ATG14: variants seen among roughly 807,000 people sequenced by gnomAD.
ATG14 encodes the protein autophagy related 14.
A neutral mutation model predicts 60.4 loss-of-function variants in ATG14; 35 were observed. The observed-to-expected ratio is 0.58, with a 90% CI of 0.44 to 0.77. The LOEUF is 0.77. ATG14 is among the 30% of genes least tolerant of loss of function. The probability of loss-of-function intolerance (pLI) is 0.00; values close to 1 mark genes in which losing one functional copy is unlikely to be tolerated. For synonymous variants in ATG14, 234 were observed against 228.8 expected, an observed-to-expected ratio of 1.02 and a Z score of -0.21; for missense variants, 647 against 626.3, an observed-to-expected ratio of 1.03 and a Z score of -0.35.
In ATG14 at chr14:55,390,943, GTTTGT is replaced by G. The variant is rs1435783501; in HGVS notation, c.372_376del (p.Lys124AsnfsTer4). The G allele has an allele frequency of 4.4e-6, 7 of 1,604,412 alleles. No individual in the cohort carries two copies. Among genetic ancestry groups the G allele is most frequent in the Non-Finnish European group, 6.0e-6 (7 of 1,174,520 alleles). The stretch of plus-strand genomic sequence containing the variant: ...CATTTCTTCATTTCCTTTACATATT[GTTTGT>G]TTTAACTGTTCAATCCTCATCTTGC... On this transcript the variant is annotated frameshift_variant, in exon 4 of 10. Coordinates refer to ENST00000247178, the MANE Select transcript of ATG14 (RefSeq NM_014924.5). LOFTEE classifies it high-confidence loss of function.
intron 1 of ATG14, among the ~76,000 whole-genome samples, chr14:55,402,237 G>A (rs372841241): frequency 2.0e-5 from 3 of 152,068 alleles, no homozygotes; most frequent in African/African-American, 7.2e-5. Flanking sequence ...CCCTCCACCT[G>A]CCTGTCTAGT....
intron 9 of ATG14, among the ~76,000 whole-genome samples, chr14:55,372,802 G>A (rs927619884): frequency 5.9e-5 from 9 of 152,010 alleles, no homozygotes; most frequent in Non-Finnish European, 7.4e-5. Context: ...GTTTTCCCAG[G>A]AGACAGGCAG....
intron 1 of ATG14, among the ~76,000 whole-genome samples, chr14:55,402,946 T>A (rs374304857): frequency 2.3e-4 from 13 of 56,664 alleles, no homozygotes; most frequent in South Asian, 7.8e-4. Flanking sequence ...TATATATATA[T>A]ATATATATAT....
chr14:55,406,360 G>A (rs1328345410), intron 1 of ATG14, among the ~76,000 whole-genome samples: 1 of 152,180 alleles, frequency 6.6e-6, no homozygotes, highest in East Asian at 1.9e-4. Context: ...TGTGCTGTAA[G>A]GTTCCAGATT....
At chr14:55,386,759 T>C (rs944543199) in intron 4 of ATG14, among the ~76,000 whole-genome samples, 1 of 152,224 alleles carries the variant, frequency 6.6e-6, no homozygotes, top group Non-Finnish European at 1.5e-5. Flanking sequence ...AGGTCCTTTT[T>C]GTGGAGTCCT....
At chr14:55,410,252 C>G (rs1450328133) in intron 1 of ATG14, among the ~76,000 whole-genome samples, 1 of 152,142 alleles carries the variant, frequency 6.6e-6, no homozygotes, top group Non-Finnish European at 1.5e-5. Flanking sequence ...GTTTTCTGGA[C>G]TTTAGAGAAG....
At position 55,386,080 on chromosome 14, in the gene ATG14, G is replaced by C. The variant is rs1286899770; in HGVS notation, c.426C>G (p.Leu142=). 5 of 1,610,186 alleles carry C rather than the reference G, an allele frequency of 3.1e-6. No homozygotes were observed. The highest frequency in any genetic ancestry group is 2.2e-5 in the East Asian group (1 of 44,846). Reference sequence around the variant, plus strand: ...GCTTCTGATTCTTTTCCTTGGTTTTGAGAAGGCCTTCAGAATCTAAAATAA... The same window carrying C: ...GCTTCTGATTCTTTTCCTTGGTTTTCAGAAGGCCTTCAGAATCTAAAATAA... ...EEMEKNSEGL[L]KTKEKNQKLY... is the part of the protein sequence containing the mutation. The change falls in exon 5 of 10, where the codon CTC becomes CTG. Residue 142 remains leucine (L), a synonymous_variant. Transcript: ENST00000247178.
intron 5 of ATG14, among the ~76,000 whole-genome samples, chr14:55,382,999 A>T (rs1222442451): frequency 6.6e-6 from 1 of 152,240 alleles, no homozygotes; most frequent in East Asian, 1.9e-4. Context: ...TACATTTTTT[A>T]AACTCTCTTT....
rs1300487944 is a variant in ATG14 at position 55,369,885 on chromosome 14, T to C, written c.1213A>G (p.Met405Val). ...FEVRADLEES[M>V]EFVDPGVAGE... is the part of the protein sequence containing the mutation. Reference sequence around the variant, plus strand: ...GCAACTCCGGGATCCACAAATTCCATGGACTCCTCAAGGTCTGCTCGTACT... The same window carrying C: ...GCAACTCCGGGATCCACAAATTCCACGGACTCCTCAAGGTCTGCTCGTACT... Residue 405 changes from methionine to valine, a missense_variant, in exon 10 of 10, where the codon ATG becomes GTG. Transcript: ENST00000247178. 1.9e-6 allele frequency: 3 copies of C among 1,613,964 alleles called. No individual in the cohort carries two copies. Among genetic ancestry groups the C allele is most frequent in the Admixed American group, 1.7e-5 (1 of 59,994 alleles).
At chr14:55,393,967 A>G (rs965629767) in intron 3 of ATG14, among the ~76,000 whole-genome samples, 3 of 151,788 alleles carry the variant, frequency 2.0e-5, no homozygotes, top group African/African-American at 7.3e-5. Flanking sequence ...CAGCACGTAG[A>G]CTGACCACAT....
chr14:55,380,234 C>T (rs965089069), intron 7 of ATG14, among the ~76,000 whole-genome samples: 23 of 150,604 alleles, frequency 1.5e-4, no homozygotes, highest in Non-Finnish European at 2.8e-4. Context: ...GGCGACAGAG[C>T]GAGACTCTGT....
intron 1 of ATG14, among the ~76,000 whole-genome samples, chr14:55,400,909 T>TAAATAAAATAAAATAAAATA (rs201067140): frequency 1.4e-5 from 2 of 143,262 alleles, no homozygotes; most frequent in African/African-American, 5.3e-5. Flanking sequence ...CTCAAATAAA[T>TAAATAAAATAAAATAAAATA]AAATAAAATA....
chr14:55,390,873 A>T, intron 4 of ATG14, 38 bp downstream of exon 4: 1 of 1,412,508 alleles, frequency 7.1e-7, no homozygotes, highest in Non-Finnish European at 9.8e-7. Context: ...CCACATAGGC[A>T]CTTTCTAGGG....
intron 4 of ATG14, among the ~76,000 whole-genome samples, chr14:55,388,128 C>T (rs1314268894): frequency 1.3e-5 from 2 of 152,132 alleles, no homozygotes; most frequent in Non-Finnish European, 2.9e-5. Flanking sequence ...AAGAGCGAGA[C>T]TCCATCTCAA....
At chr14:55,396,256 A>G (rs1190320138) in intron 2 of ATG14, among the ~76,000 whole-genome samples, 1 of 152,248 alleles carries the variant, frequency 6.6e-6, no homozygotes, top group Admixed American at 6.5e-5. Context: ...AGTCATCATC[A>G]GTAACTGCCA....
intron 4 of ATG14, among the ~76,000 whole-genome samples, chr14:55,389,688 G>C (rs1032763297): frequency 6.6e-6 from 1 of 152,212 alleles, no homozygotes; most frequent in African/African-American, 2.4e-5. Context: ...CTTTGAGTCT[G>C]AAGTAAATCT....
rs754571057 is a variant in ATG14, at chr14:55,367,318, G to T, written c.*2301C>A. The stretch of plus-strand genomic sequence containing the variant: ...GTAGCTAGACAACTCTTACAAGATC[G>T]TTAAGTTTATTTATCTGTTCAAGTC... On this transcript the variant is annotated 3_prime_UTR_variant, in exon 10 of 10. Coordinates refer to ENST00000247178, the MANE Select transcript of ATG14 (RefSeq NM_014924.5). 1 of 152,156 alleles carries T rather than the reference G, an allele frequency of 6.6e-6. No individual in the cohort carries two copies. Among genetic ancestry groups the T allele is most frequent in the Non-Finnish European group, 1.5e-5 (1 of 68,038 alleles). 9.4% of individuals were successfully genotyped at this position (152,156 alleles called of 1,614,324 possible).
chr14:55,369,362 C>A lies in ATG14; in HGVS notation c.*257G>T, dbSNP rs1883300750. 2 of 302,582 alleles carry A rather than the reference C, an allele frequency of 6.6e-6. No homozygotes were observed. Among genetic ancestry groups the A allele is most frequent in the African/African-American group, 4.3e-5 (2 of 46,588 alleles). 18.7% of individuals were successfully genotyped at this position (302,582 alleles called of 1,614,324 possible). On this transcript the variant is annotated 3_prime_UTR_variant, in exon 10 of 10. Transcript: ENST00000247178. ...GGCAGAACTGGCCACACGCACAGGT[C>A]CTCCTTCCACCAGCACTGGTCTGGG...
At chr14:55,399,219 A>G (rs1018855505) in intron 1 of ATG14, among the ~76,000 whole-genome samples, 2 of 152,254 alleles carry the variant, frequency 1.3e-5, no homozygotes, top group African/African-American at 4.8e-5. Context: ...CAAATAGGCA[A>G]TATTATATGT....
Sources: gnomAD v4.1 joint callset for allele counts (sites outside exome capture counted in the v4.1 genomes callset) on GRCh38, gnomAD v4.1.1 for gene constraint, MANE v1.5 for transcripts, NCBI Gene and HGNC (gene_info 2026-07-23, HGNC 2026-07-21) for gene names.